The following KCNH8 variants were observed in gnomAD, a reference collection of about 807,000 sequenced individuals.
The protein encoded by KCNH8 is voltage-gated delayed rectifier potassium channel KCNH8.
In KCNH8, 70 loss-of-function variants were observed where a neutral mutation model predicts 103.6. The ratio of observed to expected loss-of-function variants is 0.68; its 90% confidence interval spans 0.56 to 0.82. The LOEUF is 0.82. Among genes scored for constraint, KCNH8 ranks in the 40% least tolerant of loss-of-function variants. The pLI, the probability that KCNH8 is intolerant of heterozygous loss-of-function variation, is 0.00. For synonymous variants in KCNH8, 498 were observed against 489.4 expected (o/e 1.02, Z -0.23); for missense variants, 1,217 against 1,329.9 (o/e 0.92, Z 1.32).
intron 1 of KCNH8, among the ~76,000 whole-genome samples, chr3:19,150,099 T>C (rs776240177): frequency 1.3e-5 from 2 of 152,230 alleles, no homozygotes; most frequent in Non-Finnish European, 2.9e-5. Context: ...TATCTTTACA[T>C]CTAGCCATTC....
chr3:19,358,629 A>G (rs1264184013), intron 5 of KCNH8, among the ~76,000 whole-genome samples: 2 of 152,004 alleles, frequency 1.3e-5, no homozygotes, highest in Non-Finnish European at 2.9e-5. Flanking sequence ...CTGCTAAAAC[A>G]TGTTGATAAA....
chr3:19,514,651 A>G (rs912370795), intron 13 of KCNH8, among the ~76,000 whole-genome samples: 3 of 151,614 alleles, frequency 2.0e-5, no homozygotes, highest in African/African-American at 7.3e-5. Context: ...TGGGTTAGAT[A>G]CTATTTACCA....
intron 5 of KCNH8, among the ~76,000 whole-genome samples, chr3:19,370,895 T>C (rs1460409285): frequency 9.9e-5 from 15 of 152,068 alleles, no homozygotes; most frequent in East Asian, 7.7e-4. Context: ...TTACTGAGAA[T>C]GATGATTTCC....
At chr3:19,471,379 G>A (rs1435276529) in intron 11 of KCNH8, among the ~76,000 whole-genome samples, 1 of 152,140 alleles carries the variant, frequency 6.6e-6, no homozygotes, top group African/African-American at 2.4e-5. Flanking sequence ...GGGGGATGTG[G>A]AGCAAGGGTC....
chr3:19,453,222 C>T (rs752878576), intron 10 of KCNH8, among the ~76,000 whole-genome samples: 2 of 151,862 alleles, frequency 1.3e-5, no homozygotes, highest in African/African-American at 4.8e-5. Flanking sequence ...GGAGGAGGGG[C>T]GTGAGGGATG....
chr3:19,473,843 T>C (rs1396598209), intron 11 of KCNH8, among the ~76,000 whole-genome samples: 3 of 152,178 alleles, frequency 2.0e-5, no homozygotes, highest in African/African-American at 7.2e-5. Flanking sequence ...TTAATTTAGA[T>C]TTTCATTCAC....
intron 8 of KCNH8, 45 bp from the exon 9 acceptor site, chr3:19,450,061 C>T (rs2067423229): frequency 2.6e-6 from 4 of 1,511,632 alleles, no homozygotes; most frequent in African/African-American, 2.8e-5. Context: ...TGGTGGGCCT[C>T]ATGTCACATT....
chr3:19,187,906 T>TGG (rs1306652023), intron 1 of KCNH8, among the ~76,000 whole-genome samples: 1 of 152,086 alleles, frequency 6.6e-6, no homozygotes, highest in Non-Finnish European at 1.5e-5. Flanking sequence ...TACAAAATTA[T>TGG]GTCTTTAATA....
intron 6 of KCNH8, among the ~76,000 whole-genome samples, chr3:19,392,971 C>T (rs1455631488): frequency 6.6e-6 from 1 of 151,942 alleles, no homozygotes; most frequent in Non-Finnish European, 1.5e-5. Flanking sequence ...CTATACAATG[C>T]TTTGCTAAAT....
Position 19,281,313 on chromosome 3 carries a change from A to G in KCNH8, c.426A>G (p.Pro142=), listed in dbSNP as rs138430215. The change falls in exon 3 of 16, where the codon CCA becomes CCG. Residue 142 remains proline (P), a synonymous_variant. Transcript: ENST00000328405. The part of the protein sequence containing the change: ...DITDTKVKIT[P]EDKKEDKVKG... ...CAGATACAAAAGTGAAGATTACTCCAGAAGATAAAAAAGAAGGTTTGTACC... is the reference window on the plus strand; with the variant it reads ...CAGATACAAAAGTGAAGATTACTCCGGAAGATAAAAAAGAAGGTTTGTACC... 1.8e-4 allele frequency: 281 copies of G among 1,603,562 alleles called. No individual in the cohort carries two copies. The African/African-American group carries it at 3.3e-3, about 19-fold the overall frequency.
At chr3:19,440,167 C>A (rs2067260646) in intron 8 of KCNH8, among the ~76,000 whole-genome samples, 1 of 152,040 alleles carries the variant, frequency 6.6e-6, no homozygotes, top group South Asian at 2.1e-4. Flanking sequence ...CAAGGGAAGA[C>A]TTTTCACTAT....
At chr3:19,351,087 T>C (rs1432059409) in intron 5 of KCNH8, among the ~76,000 whole-genome samples, 1 of 151,940 alleles carries the variant, frequency 6.6e-6, no homozygotes, top group African/African-American at 2.4e-5. Context: ...ATATGACGCA[T>C]GCACAAGCTT....
chr3:19,488,038 C>G (rs1310854152), intron 11 of KCNH8, among the ~76,000 whole-genome samples: 1 of 152,150 alleles, frequency 6.6e-6, no homozygotes, highest in Non-Finnish European at 1.5e-5. Flanking sequence ...CAATTGTAAT[C>G]CTGACGGCAG....
chr3:19,241,713 TACACACACAGACACACACAC>T (rs2064143631), intron 1 of KCNH8, among the ~76,000 whole-genome samples: 1 of 134,410 alleles, frequency 7.4e-6, no homozygotes, highest in Admixed American at 7.5e-5. Context: ...GTTATAAAAA[TACACACACAGACACACACAC>T]ACACACACAC....
intron 1 of KCNH8, among the ~76,000 whole-genome samples, chr3:19,152,551 A>G (rs1199693838): frequency 6.6e-6 from 1 of 152,226 alleles, no homozygotes; most frequent in Non-Finnish European, 1.5e-5. Flanking sequence ...CAATCAAAGT[A>G]TTCAAAATAA....
chr3:19,214,880 G>A (rs2063803891), intron 1 of KCNH8, among the ~76,000 whole-genome samples: 1 of 152,206 alleles, frequency 6.6e-6, no homozygotes, highest in South Asian at 2.1e-4. Context: ...CCCTAATCCA[G>A]TATGTCTTCC....
intron 12 of KCNH8, among the ~76,000 whole-genome samples, chr3:19,512,665 T>G (rs530906934): frequency 6.6e-6 from 1 of 152,188 alleles, no homozygotes; most frequent in Admixed American, 6.5e-5. Context: ...AAAATCTAGT[T>G]GCAAACCTGG....
At chr3:19,352,450 G>A (rs565410537) in intron 5 of KCNH8, among the ~76,000 whole-genome samples, 168 of 151,994 alleles carry the variant, frequency 1.1e-3, no homozygotes, top group African/African-American at 3.9e-3. Context: ...GCACCACATC[G>A]CAATTATACC....
intron 1 of KCNH8, among the ~76,000 whole-genome samples, chr3:19,218,407 C>T (rs2063838344): frequency 6.6e-6 from 1 of 152,164 alleles, no homozygotes; most frequent in Non-Finnish European, 1.5e-5. Flanking sequence ...TATACATGCT[C>T]CTGGTTTTCC....
Sources: gnomAD v4.1 joint callset for allele counts (sites outside exome capture counted in the v4.1 genomes callset) on GRCh38, gnomAD v4.1.1 for gene constraint, MANE v1.5 for transcripts, NCBI Gene and HGNC (gene_info 2026-07-23, HGNC 2026-07-21) for gene names.